The following GNG12 variants were observed in gnomAD, a reference collection of about 807,000 sequenced individuals.
GNG12 encodes G protein subunit gamma 12.
For synonymous variants in GNG12, 28 were observed against 29.7 expected (o/e 0.94, Z 0.19); for missense variants, 69 against 83.8 (o/e 0.82, Z 0.69).
At chr1:67,786,953 G>A (rs775188168) in intron 1 of GNG12, among the ~76,000 whole-genome samples, 20,954 of 139,546 alleles carry the variant, frequency 0.15, 1,818 homozygotes, top group Non-Finnish European at 0.17. Flanking sequence ...GTGTGTGTGT[G>A]TGTGTGTGTG....
chr1:67,806,277 G>A (rs994351647), intron 1 of GNG12, among the ~76,000 whole-genome samples: 3 of 152,094 alleles, frequency 2.0e-5, no homozygotes, highest in African/African-American at 7.2e-5. Context: ...ATAATACTTT[G>A]ATTAAAAAAT....
At chr1:67,717,513 C>CAA (rs1205936941) in intron 2 of GNG12, among the ~76,000 whole-genome samples, 61 of 104,228 alleles carry the variant, frequency 5.9e-4, no homozygotes, top group East Asian at 4.1e-3. Flanking sequence ...GAGACTCTGT[C>CAA]AAAAAAAAAA....
At chr1:67,709,876 A>ATT (rs1557591736) in intron 2 of GNG12, among the ~76,000 whole-genome samples, 5 of 120,674 alleles carry the variant, frequency 4.1e-5, no homozygotes, top group Non-Finnish European at 4.9e-5. Flanking sequence ...TTATATATAT[A>ATT]TTTATATATA....
At position 67,710,950 on chromosome 1, in the gene GNG12, G is replaced by A. The variant is rs117023449; in HGVS notation, c.-26-3238C>T. Among the ~76,000 whole-genome samples, 116 of 152,068 alleles carry A rather than the reference G, an allele frequency of 7.6e-4. No homozygotes were observed. The East Asian group carries it at 0.019, about 25-fold the overall frequency. ...GGCACACAGCTCCTGCCCTCACAGA[G>A]AAAACGTTAAACAAGCCATTAGACA... On this transcript the variant is annotated intron_variant, in intron 2 of 3. Transcript: ENST00000370982.
intron 2 of GNG12, among the ~76,000 whole-genome samples, chr1:67,753,951 C>A (rs2100729357): frequency 6.6e-6 from 1 of 152,168 alleles, no homozygotes; most frequent in East Asian, 1.9e-4. Flanking sequence ...GGTAGGCGCT[C>A]CCTTCTCCTC....
chr1:67,732,977 A>G (rs746550767), intron 2 of GNG12, among the ~76,000 whole-genome samples: 1 of 152,228 alleles, frequency 6.6e-6, no homozygotes, highest in African/African-American at 2.4e-5. Context: ...GGATCTGAGC[A>G]GCTGGTGTGG....
At chr1:67,773,553 A>G (rs938588951) in intron 2 of GNG12, among the ~76,000 whole-genome samples, 2 of 152,236 alleles carry the variant, frequency 1.3e-5, no homozygotes, top group African/African-American at 2.4e-5. Flanking sequence ...ATGTTCCAGT[A>G]TAAGAAATGA....
chr1:67,788,692 C>T (rs17130282), intron 1 of GNG12, among the ~76,000 whole-genome samples: 12,556 of 152,168 alleles, frequency 0.083, 636 homozygotes, highest in African/African-American at 0.12. Context: ...AGTTTACTTA[C>T]ACACGAAGAG....
chr1:67,757,565 G>A (rs980133493), intron 2 of GNG12, among the ~76,000 whole-genome samples: 14 of 152,260 alleles, frequency 9.2e-5, no homozygotes, highest in Middle Eastern at 6.8e-3. Context: ...AAGATGCCAA[G>A]CAGTAGGGCC....
At chr1:67,782,437 A>G (rs1646743138) in intron 1 of GNG12, among the ~76,000 whole-genome samples, 2 of 152,168 alleles carry the variant, frequency 1.3e-5, no homozygotes, top group African/African-American at 4.8e-5. Context: ...TTTTAACCAA[A>G]TGGTACCACC....
At chr1:67,760,702 G>C (rs924134973) in intron 2 of GNG12, among the ~76,000 whole-genome samples, 1 of 152,160 alleles carries the variant, frequency 6.6e-6, no homozygotes, top group Non-Finnish European at 1.5e-5. Context: ...TCCTCAGCAA[G>C]ATACTTTCTT....
chr1:67,747,612 G>C (rs1032528293), intron 2 of GNG12, among the ~76,000 whole-genome samples: 1 of 152,238 alleles, frequency 6.6e-6, no homozygotes, highest in Non-Finnish European at 1.5e-5. Flanking sequence ...TTCACTTAAT[G>C]AGAGTGAGGT....
At chr1:67,740,323 T>C (rs542024985) in intron 2 of GNG12, among the ~76,000 whole-genome samples, 7 of 152,374 alleles carry the variant, frequency 4.6e-5, no homozygotes, top group African/African-American at 1.4e-4. Flanking sequence ...TCTTCCCTGC[T>C]GATCTGGGGC....
intron 1 of GNG12, among the ~76,000 whole-genome samples, chr1:67,796,152 T>A (rs1646830392): frequency 6.6e-6 from 1 of 152,202 alleles, no homozygotes; most frequent in Non-Finnish European, 1.5e-5. Context: ...ACAAAAGACA[T>A]CCATTTATTT....
intron 1 of GNG12, among the ~76,000 whole-genome samples, chr1:67,799,520 T>C (rs1053421128): frequency 1.3e-5 from 2 of 152,200 alleles, no homozygotes; most frequent in South Asian, 2.1e-4. Context: ...GTGACGTTCA[T>C]GGATAAACTT....
At position 67,781,087 on chromosome 1, in the gene GNG12, T is replaced by C. The variant is rs533152325; in HGVS notation, c.-76-3580A>G. Among the ~76,000 whole-genome samples the C allele has an allele frequency of 2.6e-5, 4 of 152,334 alleles. No individual in the cohort carries two copies. The South Asian group carries it at 8.3e-4, about 32-fold the overall frequency. ...GAGAAAGGCAAAAAGTTTTAAGATC[T>C]AGAACATATACAGATCTCTAGGAAG... On this transcript the variant is annotated intron_variant, in intron 1 of 3. Coordinates refer to ENST00000370982, the MANE Select transcript of GNG12 (RefSeq NM_018841.6).
chr1:67,740,823 C>A (rs1240994425), intron 2 of GNG12, among the ~76,000 whole-genome samples: 1 of 152,200 alleles, frequency 6.6e-6, no homozygotes, highest in Non-Finnish European at 1.5e-5. Context: ...AGCAGGACCT[C>A]ACCAGACATC....
chr1:67,794,749 A>G (rs1646820167), intron 1 of GNG12, among the ~76,000 whole-genome samples: 1 of 152,242 alleles, frequency 6.6e-6, no homozygotes, highest in Non-Finnish European at 1.5e-5. Flanking sequence ...ATTTTTGTTT[A>G]GCAAACTTCA....
At chr1:67,735,686 T>G (rs932459319) in intron 2 of GNG12, among the ~76,000 whole-genome samples, 21 of 152,266 alleles carry the variant, frequency 1.4e-4, no homozygotes, top group African/African-American at 4.8e-4. Context: ...AGAATTCAAT[T>G]AAAAGGGGCA....
Sources: gnomAD v4.1 joint callset for allele counts (sites outside exome capture counted in the v4.1 genomes callset) on GRCh38, gnomAD v4.1.1 for gene constraint, MANE v1.5 for transcripts, NCBI Gene and HGNC (gene_info 2026-07-23, HGNC 2026-07-21) for gene names.